Variants in COL11A1 observed in about 807,000 individuals in gnomAD.
The protein encoded by COL11A1 is collagen alpha-1(XI) chain.
In COL11A1, 74 loss-of-function variants were observed where a neutral mutation model predicts 265.2. The ratio of observed to expected loss-of-function variants is 0.28; its 90% CI spans 0.23 to 0.34. The LOEUF (loss-of-function observed/expected upper bound fraction) is 0.34, where lower values mean the gene tolerates loss of function less well. Among genes scored for constraint, COL11A1 ranks in the 10% least tolerant of loss-of-function variants. The pLI, the probability that COL11A1 is intolerant of heterozygous loss-of-function variation, is 1.00. For missense variants in COL11A1, 2,165 were observed against 2,263.6 expected (o/e 0.96, Z 0.88); for synonymous variants, 816 against 727.6 (o/e 1.12, Z -1.96).
At position 102,974,860 on chromosome 1, in the gene COL11A1, T is replaced by G. The variant is rs200115284; in HGVS notation, c.2778A>C (p.Pro926=). ...GGCCTTTTGGTCCAGGGAATCCAACTGGACCCTGAGGTCCTTGAGGACCCT... is the reference window on the plus strand; with the variant it reads ...GGCCTTTTGGTCCAGGGAATCCAACGGGACCCTGAGGTCCTTGAGGACCCT... ...GERGPQGPQG[P]VGFPGPKGPP... The change falls in exon 36 of 67, where the codon CCA becomes CCC. Residue 926 remains proline, a synonymous_variant. Transcript: ENST00000370096. 5.2e-5 allele frequency: 84 copies of G among 1,613,638 alleles called. 1 individual carries two copies. In the Middle Eastern group the frequency reaches 9.9e-4, roughly 19 times the overall value.
chr1:102,926,419 C>T lies in COL11A1; in HGVS notation c.3601-3030G>A, dbSNP rs549422753. On this transcript the variant is annotated intron_variant, in intron 46 of 66. Coordinates refer to ENST00000370096, the MANE Select transcript of COL11A1 (RefSeq NM_001854.4). ...TCCTTCATATGCAGATGACAGTAAA[C>T]ATCAAATTGAAAAATCAAGACATGT... Among the ~76,000 whole-genome samples the T allele has an allele frequency of 2.5e-4, 38 of 152,218 alleles. No individual in the cohort carries two copies. The East Asian group carries it at 7.3e-3, about 29-fold the overall frequency.
chr1:103,044,201 A>AT (rs940481517), intron 4 of COL11A1, among the ~76,000 whole-genome samples: 55 of 149,904 alleles, frequency 3.7e-4, no homozygotes, highest in Admixed American at 6.7e-4. Flanking sequence ...ACAGTTAATG[A>AT]TTTTTTTTTC....
rs1409312593 is a variant in COL11A1, at chr1:102,929,035, G to C, written c.3600+5414C>G. On this transcript the variant is annotated intron_variant, in intron 46 of 66. Transcript: ENST00000370096. The stretch of plus-strand genomic sequence containing the variant: ...GGTTGTGAAAATTTTCTCCCATTTT[G>C]TAGGTTGCCTGTTCACTCTGACGGT... 2.1e-5 allele frequency among the ~76,000 whole-genome samples: 3 copies of C among 143,026 alleles called. 1 individual carries two copies. Among genetic ancestry groups the C allele is most frequent in the African/African-American group, 7.8e-5 (3 of 38,450 alleles). The allele number at this position is 143,026 out of a possible 152,430, so 93.8% of individuals were successfully genotyped here. A position where few individuals can be genotyped will look rare whatever the true frequency, so the allele number is the denominator to read the frequency against.
At chr1:103,014,258 G>A (rs928632505) in intron 13 of COL11A1, among the ~76,000 whole-genome samples, 1 of 151,996 alleles carries the variant, frequency 6.6e-6, no homozygotes, top group Non-Finnish European at 1.5e-5. Flanking sequence ...GAAATCTTGC[G>A]TGTTATGGTG....
At chr1:102,987,121 C>T (rs960053362) in intron 30 of COL11A1, among the ~76,000 whole-genome samples, 3 of 151,796 alleles carry the variant, frequency 2.0e-5, no homozygotes, top group Admixed American at 6.6e-5. Context: ...TCCACATGGC[C>T]GAGGAGGGCA....
chr1:102,912,913 CT>C (rs749388886), intron 53 of COL11A1, among the ~76,000 whole-genome samples: 19 of 152,216 alleles, frequency 1.2e-4, no homozygotes, highest in Non-Finnish European at 2.2e-4. Flanking sequence ...TTCCTGAGGC[CT>C]TCCCAGCCAT....
In COL11A1 at chr1:102,989,463, A is replaced by AT; in HGVS notation, c.2394+54_2394+55insA. On this transcript the variant is annotated intron_variant, in intron 29 of 66. Coordinates refer to ENST00000370096, the MANE Select transcript of COL11A1 (RefSeq NM_001854.4). ...TATATTTAAAGATAAGCAAAGGAAAAAATATATATATATATTAAATTTTGT... is the reference window on the plus strand; with the variant it reads ...TATATTTAAAGATAAGCAAAGGAAAATAATATATATATATATTAAATTTTGT... 3 of 1,074,088 alleles carry AT rather than the reference A, an allele frequency of 2.8e-6. No individual in the cohort carries two copies. In the South Asian group the frequency reaches 5.8e-5, roughly 21 times the overall value. 66.5% of individuals were successfully genotyped at this position (1,074,088 alleles called of 1,614,324 possible).
intron 13 of COL11A1, among the ~76,000 whole-genome samples, chr1:103,012,801 CT>C (rs1232316577): frequency 2.6e-5 from 4 of 151,978 alleles, no homozygotes; most frequent in Non-Finnish European, 5.9e-5. Context: ...AATGCATAGC[CT>C]TTTTCTCTTA....
At chr1:103,070,437 G>A (rs919291333) in intron 4 of COL11A1, among the ~76,000 whole-genome samples, 1 of 151,370 alleles carries the variant, frequency 6.6e-6, no homozygotes, top group Non-Finnish European at 1.5e-5. Context: ...GAAAAAAAAC[G>A]AGTTAAAACG....
chr1:103,080,482 CAAGT>C (rs1672318196), intron 2 of COL11A1, among the ~76,000 whole-genome samples: 1 of 151,520 alleles, frequency 6.6e-6, no homozygotes, highest in African/African-American at 2.4e-5. Flanking sequence ...TAGAAAAAAA[CAAGT>C]AATCCAATTA....
intron 2 of COL11A1, among the ~76,000 whole-genome samples, chr1:103,081,425 AT>A (rs1672404448): frequency 6.6e-6 from 1 of 151,814 alleles, no homozygotes; most frequent in Non-Finnish European, 1.5e-5. Flanking sequence ...TTTACTTTTA[AT>A]TTTTTTAAAT....
chr1:102,992,498 G>C (rs141180545), intron 28 of COL11A1, among the ~76,000 whole-genome samples: 1 of 151,580 alleles, frequency 6.6e-6, no homozygotes, highest in African/African-American at 2.4e-5. Context: ...CTTCTATCTC[G>C]TAAGAGATAA....
chr1:103,085,461 A>T (rs937484660), intron 1 of COL11A1, among the ~76,000 whole-genome samples: 1 of 152,162 alleles, frequency 6.6e-6, no homozygotes, highest in Non-Finnish European at 1.5e-5. Context: ...CAGAGTGCCC[A>T]GTGAAATCCC....
At chr1:102,930,352 T>A (rs1210155720) in intron 46 of COL11A1, among the ~76,000 whole-genome samples, 3 of 151,896 alleles carry the variant, frequency 2.0e-5, no homozygotes, top group Admixed American at 6.6e-5. Flanking sequence ...GAGATAATCA[T>A]GTGGTTTTTG....
intron 41 of COL11A1, among the ~76,000 whole-genome samples, chr1:102,949,054 G>T (rs1044565823): frequency 2.7e-5 from 4 of 149,134 alleles, no homozygotes; most frequent in Non-Finnish European, 1.5e-5. Flanking sequence ...GGTGTCCCTT[G>T]AATTACTAAA....
chr1:102,985,198 T>C (rs1317011929), intron 30 of COL11A1, among the ~76,000 whole-genome samples: 4 of 152,096 alleles, frequency 2.6e-5, no homozygotes, highest in African/African-American at 7.2e-5. Flanking sequence ...TCAATGTACA[T>C]TGAACAACTA....
intron 28 of COL11A1, among the ~76,000 whole-genome samples, chr1:102,995,495 GA>G (rs916703569): frequency 6.7e-6 from 1 of 148,688 alleles, no homozygotes; most frequent in African/African-American, 2.6e-5. Flanking sequence ...TTTCAGTAGG[GA>G]AAAAAGGAAT....
At chr1:103,086,659 G>T (rs1472403829) in intron 1 of COL11A1, among the ~76,000 whole-genome samples, 2 of 151,776 alleles carry the variant, frequency 1.3e-5, no homozygotes, top group African/African-American at 4.8e-5. Context: ...TTCCTGATCC[G>T]CCCGCCTCGG....
chr1:103,108,023 C>CAGTAGG, intron 1 of COL11A1, 50 bp downstream of exon 1: 2 of 1,335,938 alleles, frequency 1.5e-6, no homozygotes, highest in Non-Finnish European at 2.1e-6. Context: ...GGCGCAGAAG[C>CAGTAGG]AGTAGGACCG....
Sources: allele counts gnomAD v4.1 joint callset (sites outside exome capture counted in the v4.1 genomes callset), GRCh38; gene constraint gnomAD v4.1.1; transcripts MANE v1.5; gene names NCBI Gene and HGNC (gene_info 2026-07-23, HGNC 2026-07-21).